STK38: variants seen among roughly 807,000 people sequenced by gnomAD.
The protein encoded by STK38 is serine/threonine kinase 38.
In STK38, 26 loss-of-function variants were observed where a neutral mutation model predicts 59.0. The ratio of observed to expected loss-of-function variants is 0.44; its 90% confidence interval spans 0.32 to 0.61. STK38 has a LOEUF of 0.61. STK38 is among the 20% of genes least tolerant of loss of function. The probability of loss-of-function intolerance (pLI) is 0.04; values close to 1 mark genes in which losing one functional copy is unlikely to be tolerated. For synonymous variants in STK38, 175 were observed against 176.6 expected (o/e 0.99, Z 0.07); for missense variants, 433 against 566.0 (o/e 0.76, Z 2.38).
At chr6:36,496,596 C>T in intron 13 of STK38, 115 bp downstream of exon 13, 2 of 782,364 alleles carry the variant, frequency 2.6e-6, no homozygotes, top group East Asian at 2.6e-5. Context: ...TACAAAGAAC[C>T]TGAAGAAATG....
intron 12 of STK38, 26 bp downstream of exon 12, chr6:36,497,753 AT>A: frequency 6.5e-7 from 1 of 1,536,280 alleles, no homozygotes; most frequent in Non-Finnish European, 8.9e-7. Context: ...TTCTGAAATA[AT>A]TCTGAAAGTG....
At chr6:36,531,995 A>AC (rs1777676306) in intron 2 of STK38, among the ~76,000 whole-genome samples, 1 of 152,204 alleles carries the variant, frequency 6.6e-6, no homozygotes, top group Non-Finnish European at 1.5e-5. Flanking sequence ...AAAAATGAAA[A>AC]TTTGTATTAC....
At chr6:36,498,582 C>CTTTT (rs1219622406) in intron 10 of STK38, 96 bp from the exon 11 acceptor site, 26 of 1,039,258 alleles carry the variant, frequency 2.5e-5, no homozygotes, top group South Asian at 5.5e-5. Context: ...CTTTTTTTTT[C>CTTTT]TTTTTTCTTT....
At position 36,524,468 on chromosome 6, in the gene STK38, T is replaced by C. The variant is rs1289546318; in HGVS notation, c.184-5A>G. On this transcript the variant is annotated splice_polypyrimidine_tract_variant and splice_region_variant and intron_variant, in intron 3 of 13. Transcript: ENST00000229812. ...TGCTGATCTCCGGAGTCGTTTCTAA[T>C]ATTTAAATAAAAAAGGGAGGAGACG... 8 of 1,583,558 alleles carry C rather than the reference T, an allele frequency of 5.1e-6. No homozygotes were observed. In the Admixed American group the frequency reaches 1.2e-4, roughly 23 times the overall value.
intron 10 of STK38, 90 bp downstream of exon 10, chr6:36,499,783 A>G: frequency 1.9e-6 from 2 of 1,033,042 alleles, no homozygotes; most frequent in Non-Finnish European, 3.0e-6. Flanking sequence ...GAAATCACTT[A>G]GATCACTGCC....
chr6:36,503,450 T>TGTGTGTG lies in STK38; in HGVS notation c.834+3132_834+3133insCACACAC, dbSNP rs560345828. Among the ~76,000 whole-genome samples, 870 of 131,382 alleles carry TGTGTGTG rather than the reference T, an allele frequency of 6.6e-3. 12 individuals carry two copies. The highest frequency in any genetic ancestry group is 0.022 in the African/African-American group (737 of 34,154). The allele number at this position is 131,382 out of a possible 152,430, so 86.2% of individuals were successfully genotyped here. ...GCTAAGTGTGTGTGTGTGTGTGTGT[T>TGTGTGTG]TGTGTGTGTATGATATATATTTAAA... On this transcript the variant is annotated intron_variant, in intron 9 of 13. Coordinates refer to ENST00000229812, the MANE Select transcript of STK38 (RefSeq NM_007271.4).
chr6:36,505,952 A>G (rs1776952338), intron 9 of STK38, among the ~76,000 whole-genome samples: 1 of 152,178 alleles, frequency 6.6e-6, no homozygotes, highest in African/African-American at 2.4e-5. Context: ...TTAGACAGCA[A>G]TATTTCACTG....
intron 12 of STK38, 94 bp from the exon 13 acceptor site, chr6:36,496,899 A>T: frequency 2.4e-6 from 2 of 834,772 alleles, no homozygotes; most frequent in African/African-American, 1.8e-5. Context: ...CTGGTCTGAC[A>T]TGAGAAGACT....
At chr6:36,526,666 G>A (rs1306319227) in intron 2 of STK38, among the ~76,000 whole-genome samples, 5 of 152,164 alleles carry the variant, frequency 3.3e-5, no homozygotes, top group African/African-American at 1.2e-4. Flanking sequence ...AGGCCGAGGC[G>A]GGTGGATCAC....
chr6:36,532,251 G>A lies in STK38; in HGVS notation c.132-6609C>T, dbSNP rs567656241. ...CCAGGAGTTTGAGGCGGCAGTGAGC[G>A]AGCCATGATCACATCACTGCACTCC... On this transcript the variant is annotated intron_variant, in intron 2 of 13. Coordinates refer to ENST00000229812, the MANE Select transcript of STK38 (RefSeq NM_007271.4). Among the ~76,000 whole-genome samples the A allele has an allele frequency of 2.0e-4, 30 of 148,040 alleles. No individual in the cohort carries two copies. The South Asian group carries it at 5.5e-3, about 27-fold the overall frequency.
Position 36,499,875 on chromosome 6 carries a change from A to G in STK38, c.950T>C (p.Ile317Thr). Reference sequence around the variant, plus strand: ...TCCTCTGAAACCATGCAACTTACCGATGAGCATCTCATACATGATCACCCC... The same window carrying G: ...TCCTCTGAAACCATGCAACTTACCGGTGAGCATCTCATACATGATCACCCC... ...SLGVIMYEMLIGYPPFCSETP... is the reference protein window; with the variant it reads ...SLGVIMYEMLTGYPPFCSETP... Residue 317 changes from isoleucine (I) to threonine (T), a missense_variant and splice_region_variant, in exon 10 of 14, where the codon ATC (isoleucine) becomes ACC (threonine). By Grantham distance (89) the Ile-to-Thr change is moderately conservative (BLOSUM62 -1). Coordinates refer to ENST00000229812, the MANE Select transcript of STK38 (RefSeq NM_007271.4). The G allele has an allele frequency of 6.2e-7, 1 of 1,613,482 alleles. No homozygotes were observed. The highest frequency in any genetic ancestry group is 8.5e-7 in the Non-Finnish European group (1 of 1,179,426).
chr6:36,545,322 A>G (rs1778033398), intron 1 of STK38, among the ~76,000 whole-genome samples: 1 of 151,298 alleles, frequency 6.6e-6, no homozygotes, highest in South Asian at 2.1e-4. Context: ...AAAAGAATAA[A>G]GACTACATTT....
chr6:36,537,233 TCCA>T (rs1777814776), intron 2 of STK38, among the ~76,000 whole-genome samples: 1 of 152,172 alleles, frequency 6.6e-6, no homozygotes, highest in Admixed American at 6.6e-5. Flanking sequence ...TCATTAAATA[TCCA>T]CCAAAATAAC....
chr6:36,536,390 G>A (rs1272121900), intron 2 of STK38, among the ~76,000 whole-genome samples: 1 of 152,012 alleles, frequency 6.6e-6, no homozygotes, highest in Non-Finnish European at 1.5e-5. Flanking sequence ...AAGGTTTCTG[G>A]CCAGGCACCG....
At chr6:36,513,848 TAAAAAAAAAAA>T (rs1178706954) in intron 7 of STK38, among the ~76,000 whole-genome samples, 35 of 63,888 alleles carry the variant, frequency 5.5e-4, no homozygotes, top group African/African-American at 1.4e-3. Context: ...TACTAAAAAT[TAAAAAAAAAAA>T]AAAAAAAAAA....
intron 9 of STK38, among the ~76,000 whole-genome samples, chr6:36,501,302 T>C (rs891085143): frequency 2.6e-5 from 4 of 152,066 alleles, no homozygotes; most frequent in Non-Finnish European, 5.9e-5. Flanking sequence ...ATACCAGGAC[T>C]GCAAAATAAG....
chr6:36,506,397 A>G (rs1347145864), intron 9 of STK38, among the ~76,000 whole-genome samples, 186 bp downstream of exon 9: 5 of 152,178 alleles, frequency 3.3e-5, no homozygotes, highest in Non-Finnish European at 5.9e-5. Flanking sequence ...AAACAACCTA[A>G]TATTACCTGT....
In STK38 at chr6:36,547,457, A is replaced by G. The variant is rs1243626961; in HGVS notation, c.-273T>C. On this transcript the variant is annotated 5_prime_UTR_variant, in exon 1 of 14. Coordinates refer to ENST00000229812, the MANE Select transcript of STK38 (RefSeq NM_007271.4). ...CGCCGCGGAGACGGGCTGGCGCGGC[A>G]GCCCGGGGCCGAGACTACGCATGCG... 1 of 152,208 alleles carries G rather than the reference A, an allele frequency of 6.6e-6. No homozygotes were observed. Among genetic ancestry groups the G allele is most frequent in the Non-Finnish European group, 1.5e-5 (1 of 68,064 alleles). 9.4% of individuals were successfully genotyped at this position (152,208 alleles called of 1,614,324 possible). A position where few individuals can be genotyped will look rare whatever the true frequency, so the allele number is the denominator to read the frequency against.
intron 7 of STK38, among the ~76,000 whole-genome samples, chr6:36,514,873 C>T (rs1274011829): frequency 6.8e-6 from 1 of 146,260 alleles, no homozygotes; most frequent in Non-Finnish European, 1.5e-5. Flanking sequence ...AAAAAAGAGG[C>T]TGGGCAGGAC....
Sources: allele counts gnomAD v4.1 joint callset (sites outside exome capture counted in the v4.1 genomes callset), GRCh38; gene constraint gnomAD v4.1.1; transcripts MANE v1.5; gene names NCBI Gene and HGNC (gene_info 2026-07-23, HGNC 2026-07-21).